Variants in CYP4F11 observed in about 807,000 individuals in gnomAD.
CYP4F11 encodes the protein cytochrome P450 4F11.
A neutral mutation model predicts 62.2 loss-of-function variants in CYP4F11; 79 were observed. That is an observed-to-expected ratio of 1.27 (90% confidence interval 1.06 to 1.53). CYP4F11 has a LOEUF of 1.53. Ranked by LOEUF, CYP4F11 falls within the 40% of genes most tolerant of loss-of-function variation. The probability of loss-of-function intolerance (pLI) is 0.00; values close to 1 mark genes in which losing one functional copy is unlikely to be tolerated. For synonymous variants in CYP4F11, 290 were observed against 263.7 expected (o/e 1.10, Z -0.97); for missense variants, 777 against 680.5 (o/e 1.14, Z -1.58).
chr19:15,931,585 G>GC (rs2089721720), intron 1 of CYP4F11, among the ~76,000 whole-genome samples: 5 of 106,434 alleles, frequency 4.7e-5, no homozygotes, highest in East Asian at 5.7e-4. Context: ...AGTGAGCGAG[G>GC]AGAGGAATGA....
upstream of CYP4F11, chr19:15,934,621 G>C: frequency 2.0e-6 from 1 of 509,526 alleles, no homozygotes. Context: ...GAAAGGGAAA[G>C]AGAGAGAGAG....
In CYP4F11 at chr19:15,922,114, C is replaced by A; in HGVS notation, c.1038G>T (p.Lys346Asn). ...GGCACTGTTCCTGGTATTCTGGGTG[C>A]TTTGCAAGGTGGTATAGGACCCAGG... ...GLSWVLYHLA[K>N]HPEYQEQCRQ... The change falls in exon 8 of 12, where the codon AAG (lysine) becomes AAT (asparagine). Residue 346 changes from lysine to asparagine, a missense_variant. Transcript: ENST00000402119. 2 of 1,614,080 alleles carry A rather than the reference C, an allele frequency of 1.2e-6. No individual in the cohort carries two copies. Among genetic ancestry groups the A allele is most frequent in the Non-Finnish European group, 1.7e-6 (2 of 1,179,984 alleles).
intron 5 of CYP4F11, among the ~76,000 whole-genome samples, chr19:15,924,436 G>T (rs747310310): frequency 6.6e-6 from 1 of 152,126 alleles, no homozygotes; most frequent in Admixed American, 6.5e-5. Flanking sequence ...TCCATGTAGC[G>T]TCTACATGAC....
In CYP4F11 at chr19:15,929,741, C is replaced by T. The variant is rs564448920; in HGVS notation, c.199-140G>A. 1.9e-4 allele frequency: 186 copies of T among 987,304 alleles called. 1 individual carries two copies. In the South Asian group the frequency reaches 2.9e-3, roughly 15 times the overall value. 61.2% of individuals were successfully genotyped at this position (987,304 alleles called of 1,614,324 possible). A position where few individuals can be genotyped will look rare whatever the true frequency, so the allele number is the denominator to read the frequency against. ...AAACATTATTTCTGGATGTGTCCAT[C>T]GGTGTATTTCCAGAAGAGATTCACA... On this transcript the variant is annotated intron_variant, in intron 1 of 11. Transcript: ENST00000402119.
intron 8 of CYP4F11, among the ~76,000 whole-genome samples, chr19:15,919,485 T>C (rs886239157): frequency 1.8e-5 from 2 of 108,578 alleles, no homozygotes; most frequent in South Asian, 4.2e-4. Flanking sequence ...GATAGATAGA[T>C]AGATAGATAG....
intron 8 of CYP4F11, among the ~76,000 whole-genome samples, chr19:15,917,089 G>T (rs1236227508): frequency 6.6e-6 from 1 of 152,182 alleles, no homozygotes; most frequent in Non-Finnish European, 1.5e-5. Context: ...ATACTACTCA[G>T]CCATTAAAAG....
intron 8 of CYP4F11, among the ~76,000 whole-genome samples, chr19:15,921,396 A>C (rs953277764): frequency 1.3e-5 from 2 of 152,120 alleles, no homozygotes; most frequent in Admixed American, 6.5e-5. Flanking sequence ...ACCTCCAGTC[A>C]TGCTTCTCTT....
intron 1 of CYP4F11, among the ~76,000 whole-genome samples, chr19:15,931,566 AGAG>A (rs1467967212): frequency 8.0e-6 from 1 of 124,910 alleles, no homozygotes; most frequent in Non-Finnish European, 1.7e-5. Flanking sequence ...GTGAGCGAGG[AGAG>A]GAATGAGTGA....
At position 15,912,769 on chromosome 19, in the gene CYP4F11, G is replaced by GTATA. The variant is rs1362441732; in HGVS notation, c.*962_*963insTATA. On this transcript the variant is annotated 3_prime_UTR_variant, in exon 12 of 12. Transcript: ENST00000402119. ...TATGTGTGTGTGTGTGTGTGTGTGTGTGTATATATATATATATATAATATA... is the reference window on the plus strand; with the variant it reads ...TATGTGTGTGTGTGTGTGTGTGTGTGTATATGTATATATATATATATATAATATA... The GTATA allele has an allele frequency of 9.0e-4, 25 of 27,910 alleles. No homozygotes were observed. The highest frequency in any genetic ancestry group is 1.1e-3 in the Admixed American group (2 of 1,768). The allele number at this position is 27,910 out of a possible 1,614,324, so 1.7% of individuals were successfully genotyped here.
rs1599378854 is a variant in CYP4F11, at chr19:15,927,428, A to C, written c.397+2T>G. The C allele has an allele frequency of 5.6e-6, 9 of 1,613,642 alleles. No homozygotes were observed. Among genetic ancestry groups the C allele is most frequent in the Non-Finnish European group, 7.6e-6 (9 of 1,179,942 alleles). Reference sequence around the variant, plus strand: ...CCAACCCCATTCACCTCAATTACTCACCCAGCCAGGGCTTCAGGAAGCCAT... The same window carrying C: ...CCAACCCCATTCACCTCAATTACTCCCCCAGCCAGGGCTTCAGGAAGCCAT... On this transcript the variant is annotated splice_donor_variant, in intron 3 of 11. Transcript: ENST00000402119. LOFTEE classifies it high-confidence loss of function.
intron 6 of CYP4F11, among the ~76,000 whole-genome samples, chr19:15,923,452 C>T (rs2089644905): frequency 6.6e-6 from 1 of 152,188 alleles, no homozygotes; most frequent in South Asian, 2.1e-4. Flanking sequence ...AGAGAGCCAG[C>T]TCTACAATCC....
At position 15,914,618 on chromosome 19, in the gene CYP4F11, A is replaced by G. The variant is rs1420483674; in HGVS notation, c.1298T>C (p.Val433Ala). The G allele has an allele frequency of 2.5e-6, 4 of 1,614,090 alleles. No individual in the cohort carries two copies. The highest frequency in any genetic ancestry group is 3.4e-6 in the Non-Finnish European group (4 of 1,180,040). Reference sequence around the variant, plus strand: ...AGGCACTACCTCAGGGTCTGGCCACACAGTTGGGTTGTAATGGATCCCGAT... The same window carrying G: ...AGGCACTACCTCAGGGTCTGGCCACGCAGTTGGGTTGTAATGGATCCCGAT... Reference protein sequence around the residue: ...NIIGIHYNPTVWPDPEVYDPF... With the variant: ...NIIGIHYNPTAWPDPEVYDPF... Residue 433 changes from valine to alanine, a missense_variant, in exon 10 of 12, where the codon GTG (valine) becomes GCG (alanine). Val to Ala is a moderately conservative substitution (Grantham distance 64, BLOSUM62 0). Coordinates refer to ENST00000402119, the MANE Select transcript of CYP4F11 (RefSeq NM_021187.4).
chr19:15,919,491 G>T (rs1056951264), intron 8 of CYP4F11, among the ~76,000 whole-genome samples: 1 of 112,250 alleles, frequency 8.9e-6, no homozygotes, highest in South Asian at 4.1e-4. Flanking sequence ...TAGATAGATA[G>T]ATAGATAGAT....
chr19:15,921,467 C>G (rs1433009636), intron 8 of CYP4F11, among the ~76,000 whole-genome samples: 1 of 152,234 alleles, frequency 6.6e-6, no homozygotes, highest in African/African-American at 2.4e-5. Context: ...ACTGTTCCCC[C>G]ACCAGGCTGG....
intron 8 of CYP4F11, among the ~76,000 whole-genome samples, chr19:15,920,963 C>G (rs763779995): frequency 6.6e-6 from 1 of 151,738 alleles, no homozygotes; most frequent in Non-Finnish European, 1.5e-5. Context: ...CTCCCTCCCC[C>G]TGCACACAAG....
chr19:15,934,220 G>C lies in CYP4F11; in HGVS notation c.189C>G (p.His63Gln). 1 of 1,613,440 alleles carries C rather than the reference G, an allele frequency of 6.2e-7. No homozygotes were observed. Among genetic ancestry groups the C allele is most frequent in the Non-Finnish European group, 8.5e-7 (1 of 1,179,640 alleles). The stretch of plus-strand genomic sequence containing the variant: ...CTGCTGACAAACTCACCAGGCCCTG[G>C]TGTCCCCAAAACCAGTTCTGTTTCG... ...QPPKQNWFWG[H>Q]QGLVTPTEEG... The change falls in exon 1 of 12, where the codon CAC (histidine) becomes CAG (glutamine). Residue 63 changes from histidine to glutamine, a missense_variant. Transcript: ENST00000402119.
At chr19:15,914,221 G>A in intron 11 of CYP4F11, 84 bp downstream of exon 11, 1 of 1,480,382 alleles carries the variant, frequency 6.8e-7, no homozygotes, top group Non-Finnish European at 9.3e-7. Context: ...AGGAGAGCTG[G>A]AACTGGGACC....
intron 8 of CYP4F11, among the ~76,000 whole-genome samples, chr19:15,920,185 T>A (rs1333244895): frequency 1.3e-5 from 2 of 152,140 alleles, no homozygotes; most frequent in South Asian, 4.1e-4. Flanking sequence ...CATAAATATA[T>A]ATAATCAAAA....
rs1472375595 is a variant in CYP4F11, at chr19:15,924,822, T to C, written c.586A>G (p.Ser196Gly). Reference sequence around the variant, plus strand: ...TGCAGACTGTCCAAGGTCATGAGGCTGATGTGTTCAAACATGTCCAGTCTG... The same window carrying C: ...TGCAGACTGTCCAAGGTCATGAGGCCGATGTGTTCAAACATGTCCAGTCTG... ...SARLDMFEHI[S>G]LMTLDSLQKC... Residue 196 changes from serine to glycine, a missense_variant, in exon 5 of 12, where the codon AGC becomes GGC. Physicochemically the swap from Ser to Gly is moderately conservative, Grantham distance 56 (BLOSUM62 0). Transcript: ENST00000402119. 5.6e-6 allele frequency: 9 copies of C among 1,613,206 alleles called. No individual in the cohort carries two copies. Among genetic ancestry groups the C allele is most frequent in the Non-Finnish European group, 7.6e-6 (9 of 1,179,496 alleles).
Sources: allele counts gnomAD v4.1 joint callset (sites outside exome capture counted in the v4.1 genomes callset), GRCh38; gene constraint gnomAD v4.1.1; transcripts MANE v1.5; gene names NCBI Gene and HGNC (gene_info 2026-07-23, HGNC 2026-07-21).